Variants in CHKA observed in about 807,000 individuals in gnomAD.
CHKA encodes the protein CHETK-alpha.
In CHKA, 34 loss-of-function variants were observed where a neutral mutation model predicts 60.1. That is an observed-to-expected ratio of 0.57 (90% CI 0.43 to 0.75). The LOEUF (loss-of-function observed/expected upper bound fraction) is 0.75. CHKA is among the 30% of genes least tolerant of loss of function. CHKA has a pLI of 0.00. For synonymous variants in CHKA, 217 were observed against 223.1 expected, an observed-to-expected ratio of 0.97 and a Z score of 0.24; for missense variants, 563 against 561.3, an observed-to-expected ratio of 1.00 and a Z score of -0.03.
intron 10 of CHKA, 147 bp downstream of exon 10, chr11:68,064,378 A>T: frequency 2.2e-6 from 1 of 446,928 alleles, no homozygotes; most frequent in Non-Finnish European, 4.0e-6. Flanking sequence ...ACTGCACTCC[A>T]GCCTGGGTGA....
At chr11:68,111,399 C>G (rs529511199) in intron 1 of CHKA, among the ~76,000 whole-genome samples, 47 of 149,272 alleles carry the variant, frequency 3.1e-4, no homozygotes, top group African/African-American at 1.1e-3. Flanking sequence ...GCAACAAAAG[C>G]CAAACTCCAT....
chr11:68,077,188 C>T (rs932986149), intron 3 of CHKA, among the ~76,000 whole-genome samples: 16 of 151,644 alleles, frequency 1.1e-4, no homozygotes, highest in South Asian at 8.3e-4. Context: ...TGCAGTGAGC[C>T]GAGATCACAC....
intron 11 of CHKA, among the ~76,000 whole-genome samples, chr11:68,057,882 CATCT>C (rs1467754533): frequency 6.6e-6 from 1 of 151,978 alleles, no homozygotes; most frequent in African/African-American, 2.4e-5. Context: ...TATTCTGTTC[CATCT>C]GATTTGTTTT....
intron 9 of CHKA, 89 bp downstream of exon 9, chr11:68,065,697 C>G (rs1337421765): frequency 2.5e-5 from 23 of 906,304 alleles, no homozygotes; most frequent in Non-Finnish European, 2.3e-5. Context: ...TGAGACCCTG[C>G]CTCAAAAAAT....
Position 68,084,263 on chromosome 11 carries a change from T to A in CHKA, c.463-2806A>T, listed in dbSNP as rs1469012929. Among the ~76,000 whole-genome samples the A allele has an allele frequency of 1.2e-3, 178 of 142,590 alleles. 1 individual carries two copies. Among genetic ancestry groups the A allele is most frequent in the African/African-American group, 3.8e-3 (146 of 38,778 alleles). 93.5% of individuals were successfully genotyped at this position (142,590 alleles called of 152,430 possible). On this transcript the variant is annotated intron_variant, in intron 2 of 11. Coordinates refer to ENST00000265689, the MANE Select transcript of CHKA (RefSeq NM_001277.3). ...ACTCTGACTCAAAAAAAAAAAAAAA[T>A]ACATATATACGTATATATACACATA...
Position 68,097,142 on chromosome 11 carries a change from A to C in CHKA, c.351-12T>G, listed in dbSNP as rs1400619707. ...TGCTAAGGCCGCCTCTGTCAGAAATAAGAGGACAGTAAGTATCTTTATTGC... is the reference window on the plus strand; with the variant it reads ...TGCTAAGGCCGCCTCTGTCAGAAATCAGAGGACAGTAAGTATCTTTATTGC... On this transcript the variant is annotated splice_polypyrimidine_tract_variant and intron_variant, in intron 1 of 11. Coordinates refer to ENST00000265689, the MANE Select transcript of CHKA (RefSeq NM_001277.3). The C allele has an allele frequency of 1.3e-6, 2 of 1,598,456 alleles. No individual in the cohort carries two copies. Among genetic ancestry groups the C allele is most frequent in the African/African-American group, 2.7e-5 (2 of 74,594 alleles).
At chr11:68,116,335 G>A (rs538093400) in intron 1 of CHKA, among the ~76,000 whole-genome samples, 6 of 152,182 alleles carry the variant, frequency 3.9e-5, no homozygotes, top group East Asian at 3.9e-4. Context: ...CTCTTTGGGC[G>A]GAGGCAGGCG....
Position 68,078,133 on chromosome 11 carries a change from T to C in CHKA, c.516+3271A>G, listed in dbSNP as rs556966874. Among the ~76,000 whole-genome samples, 250 of 152,248 alleles carry C rather than the reference T, an allele frequency of 1.6e-3. 1 individual carries two copies. Among genetic ancestry groups the C allele is most frequent in the African/African-American group, 5.7e-3 (236 of 41,534 alleles). Reference sequence around the variant, plus strand: ...CTGTCACCACAGTAAGAAAGCTTTCTACAGGGCACCCTCGCATACACCCCC... The same window carrying C: ...CTGTCACCACAGTAAGAAAGCTTTCCACAGGGCACCCTCGCATACACCCCC... On this transcript the variant is annotated intron_variant, in intron 3 of 11. Transcript: ENST00000265689.
At chr11:68,064,658 T>C (rs754241366) in intron 9 of CHKA, 27 bp from the exon 10 acceptor site, 5 of 1,323,312 alleles carry the variant, frequency 3.8e-6, no homozygotes, top group Admixed American at 2.0e-5. Context: ...TGTGTTAGGA[T>C]CAATGATGGT....
At chr11:68,084,731 A>C (rs1280784502) in intron 2 of CHKA, among the ~76,000 whole-genome samples, 1 of 152,038 alleles carries the variant, frequency 6.6e-6, no homozygotes, top group Non-Finnish European at 1.5e-5. Context: ...ATACAGACTG[A>C]AATATTTACA....
intron 1 of CHKA, among the ~76,000 whole-genome samples, chr11:68,099,848 C>A (rs2153025065): frequency 6.6e-6 from 1 of 152,328 alleles, no homozygotes; most frequent in Non-Finnish European, 1.5e-5. Flanking sequence ...TAACCTGATT[C>A]AAAGTTTACC....
intron 11 of CHKA, among the ~76,000 whole-genome samples, chr11:68,055,883 T>TAA (rs60275931): frequency 1.2e-4 from 17 of 140,432 alleles, no homozygotes; most frequent in Middle Eastern, 3.7e-3. Context: ...CGTCTCTACT[T>TAA]AAAAAAAAAA....
At chr11:68,104,315 C>T (rs374377327) in intron 1 of CHKA, among the ~76,000 whole-genome samples, 3 of 152,112 alleles carry the variant, frequency 2.0e-5, no homozygotes, top group East Asian at 3.9e-4. Flanking sequence ...ATAGTGCTTA[C>T]CAGAGGCGAG....
At chr11:68,096,946 C>G (rs886222654) in intron 2 of CHKA, 73 bp downstream of exon 2, 2 of 1,025,588 alleles carry the variant, frequency 2.0e-6, no homozygotes, top group African/African-American at 3.2e-5. Context: ...AAATCTCTTT[C>G]CAAGGTATCT....
Position 68,097,136 on chromosome 11 carries a change from A to G in CHKA, c.351-6T>C, listed in dbSNP as rs777815732. On this transcript the variant is annotated splice_polypyrimidine_tract_variant and splice_region_variant and intron_variant, in intron 1 of 11. Transcript: ENST00000265689. ...GCATGTTGCTAAGGCCGCCTCTGTC[A>G]GAAATAAGAGGACAGTAAGTATCTT... 2 of 1,604,770 alleles carry G rather than the reference A, an allele frequency of 1.2e-6. No homozygotes were observed. Among genetic ancestry groups the G allele is most frequent in the Non-Finnish European group, 1.7e-6 (2 of 1,172,230 alleles).
At chr11:68,062,635 C>T (rs1053251326) in intron 10 of CHKA, among the ~76,000 whole-genome samples, 3 of 152,208 alleles carry the variant, frequency 2.0e-5, no homozygotes, top group Non-Finnish European at 2.9e-5. Context: ...CCTGAGGGCT[C>T]ATCCACATGA....
At chr11:68,119,089 T>C (rs1858503889) in intron 1 of CHKA, among the ~76,000 whole-genome samples, 1 of 152,220 alleles carries the variant, frequency 6.6e-6, no homozygotes, top group South Asian at 2.1e-4. Context: ...GCCCTTCTAG[T>C]TGAGAATTTT....
intron 1 of CHKA, among the ~76,000 whole-genome samples, chr11:68,102,824 T>A (rs556567691): frequency 2.0e-5 from 3 of 152,122 alleles, no homozygotes; most frequent in African/African-American, 7.2e-5. Context: ...ATAGAAAATA[T>A]ACAAGGAACT....
At chr11:68,095,704 G>A (rs1387302902) in intron 2 of CHKA, among the ~76,000 whole-genome samples, 1 of 52,024 alleles carries the variant, frequency 1.9e-5, no homozygotes, top group South Asian at 1.1e-3. Flanking sequence ...GCAAGACTCC[G>A]TCGCAAAAAA....
Sources: gnomAD v4.1 joint callset for allele counts (sites outside exome capture counted in the v4.1 genomes callset) on GRCh38, gnomAD v4.1.1 for gene constraint, MANE v1.5 for transcripts, NCBI Gene and HGNC (gene_info 2026-07-23, HGNC 2026-07-21) for gene names.